Variants in IGSF9B observed in about 807,000 individuals in gnomAD.
The protein encoded by IGSF9B is protein turtle homolog B.
IGSF9B carries 48 observed loss-of-function variants against 143.7 expected under a neutral mutation model. The ratio of observed to expected loss-of-function variants is 0.33; its 90% CI spans 0.26 to 0.42. The LOEUF (loss-of-function observed/expected upper bound fraction) is 0.42, where lower values mean the gene tolerates loss of function less well. Among genes scored for constraint, IGSF9B ranks in the 20% least tolerant of loss-of-function variants. IGSF9B has a pLI of 1.00. For synonymous variants in IGSF9B, 903 were observed against 833.1 expected (o/e 1.08, Z -1.44); for missense variants, 1,706 against 1,980.0 (o/e 0.86, Z 2.63).
chr11:133,903,103 T>C lies in IGSF9B; in HGVS notation c.*5966A>G, dbSNP rs1026795173. Among the ~76,000 whole-genome samples, 1 of 144,328 alleles carries C rather than the reference T, an allele frequency of 6.9e-6. No homozygotes were observed. The highest frequency in any genetic ancestry group is 2.6e-5 in the African/African-American group (1 of 38,300). The allele number at this position is 144,328 out of a possible 152,430, so 94.7% of individuals were successfully genotyped here. A position where few individuals can be genotyped will look rare whatever the true frequency, so the allele number is the denominator to read the frequency against. The stretch of plus-strand genomic sequence containing the variant: ...CACGATCCCTGGAGCCATACAGAAG[T>C]GGGGAAAGGAAAAGGGAAGGGAAGC... On this transcript the variant is annotated 3_prime_UTR_variant, in exon 20 of 20. Transcript: ENST00000533871.
At position 133,902,820 on chromosome 11, in the gene IGSF9B, TGAG is replaced by T. The variant is rs1488677076; in HGVS notation, c.*6246_*6248del. Among the ~76,000 whole-genome samples the T allele has an allele frequency of 6.6e-6, 1 of 152,138 alleles. No individual in the cohort carries two copies. Among genetic ancestry groups the T allele is most frequent in the Non-Finnish European group, 1.5e-5 (1 of 68,030 alleles). On this transcript the variant is annotated 3_prime_UTR_variant, in exon 20 of 20. Coordinates refer to ENST00000533871, the MANE Select transcript of IGSF9B (RefSeq NM_001277285.4). ...CCTTTCAAGAACTGCAAGATGACCG[TGAG>T]GAGGCTCATCCCTCCACCAGAAATA...
intron 19 of IGSF9B, 141 bp downstream of exon 19, chr11:133,911,745 G>T (rs954477255): frequency 7.4e-5 from 44 of 597,048 alleles, no homozygotes; most frequent in Non-Finnish European, 1.1e-4. Context: ...GACAAGAGAA[G>T]CTTGTGGATT....
rs1335796062 is a variant in IGSF9B at position 133,898,834 on chromosome 11, AGT to A, written c.*10233_*10234del. On this transcript the variant is annotated 3_prime_UTR_variant, in exon 20 of 20. Coordinates refer to ENST00000533871, the MANE Select transcript of IGSF9B (RefSeq NM_001277285.4). Reference sequence around the variant, plus strand: ...CACAGGCAACCCCCTGTGGACAGGAAGTGTGTGTGCAGGCTTGCCTCTTCCCC... The same window carrying A: ...CACAGGCAACCCCCTGTGGACAGGAAGTGTGTGCAGGCTTGCCTCTTCCCC... 6.6e-6 allele frequency: 1 copy of A among 152,294 alleles called. No individual in the cohort carries two copies. The highest frequency in any genetic ancestry group is 6.5e-5 in the Admixed American group (1 of 15,288). The allele number at this position is 152,294 out of a possible 1,614,324, so 9.4% of individuals were successfully genotyped here. A position where few individuals can be genotyped will look rare whatever the true frequency, so the allele number is the denominator to read the frequency against.
intron 1 of IGSF9B, among the ~76,000 whole-genome samples, chr11:133,956,102 C>G (rs879677076): frequency 6.6e-6 from 1 of 152,134 alleles, no homozygotes; most frequent in Non-Finnish European, 1.5e-5. Flanking sequence ...TCTCACCGGG[C>G]GCCCCTGCTA....
chr11:133,956,134 CCAAGAT>C (rs2121357921), intron 1 of IGSF9B, among the ~76,000 whole-genome samples: 1 of 152,260 alleles, frequency 6.6e-6, no homozygotes, highest in Admixed American at 6.5e-5. Context: ...CCTCCAGCTG[CCAAGAT>C]GTGTGGGCAG....
rs2121353607 is a variant in IGSF9B at position 133,953,778 on chromosome 11, G to A, written c.64+2913C>T. ...CGGCCCAGGGTCCTCCCACAGAGTA[G>A]GAACTCCCCCGGGCTGGCTCAGCAG... On this transcript the variant is annotated intron_variant, in intron 1 of 19. Coordinates refer to ENST00000533871, the MANE Select transcript of IGSF9B (RefSeq NM_001277285.4). The surrounding 1 kb of genome is among the most constrained non-coding windows in gnomAD (Gnocchi z 4.2). 6.6e-6 allele frequency among the ~76,000 whole-genome samples: 1 copy of A among 152,260 alleles called. No homozygotes were observed. Among genetic ancestry groups the A allele is most frequent in the South Asian group, 2.1e-4 (1 of 4,820 alleles).
chr11:133,916,758 T>C (rs1168166009), intron 18 of IGSF9B, among the ~76,000 whole-genome samples: 1 of 152,098 alleles, frequency 6.6e-6, no homozygotes, highest in African/African-American at 2.4e-5. Flanking sequence ...TCTAGGAATT[T>C]CCAGGAGCTG....
rs760549167 is a variant in IGSF9B at position 133,900,709 on chromosome 11, A to T, written c.*8360T>A. Reference sequence around the variant, plus strand: ...TTGCAATGGCACTTTATTTCCAATTAAAAATAACTGAAAAAAACATAGATG... The same window carrying T: ...TTGCAATGGCACTTTATTTCCAATTTAAAATAACTGAAAAAAACATAGATG... On this transcript the variant is annotated 3_prime_UTR_variant, in exon 20 of 20. Transcript: ENST00000533871. 2.0e-5 allele frequency: 3 copies of T among 152,368 alleles called. No homozygotes were observed. The highest frequency in any genetic ancestry group is 4.4e-5 in the Non-Finnish European group (3 of 68,046). The allele number at this position is 152,368 out of a possible 1,614,324, so 9.4% of individuals were successfully genotyped here.
At position 133,899,140 on chromosome 11, in the gene IGSF9B, C is replaced by T. The variant is rs1206224274; in HGVS notation, c.*9929G>A. The T allele has an allele frequency of 1.3e-5, 2 of 152,268 alleles. No homozygotes were observed. Among genetic ancestry groups the T allele is most frequent in the East Asian group, 1.9e-4 (1 of 5,194 alleles). 9.4% of individuals were successfully genotyped at this position (152,268 alleles called of 1,614,324 possible). A position where few individuals can be genotyped will look rare whatever the true frequency, so the allele number is the denominator to read the frequency against. On this transcript the variant is annotated 3_prime_UTR_variant, in exon 20 of 20. Transcript: ENST00000533871. ...CCACCTTCTACCAAAGGGAAAAGCACCAAAATTCAATGTCCATTCTGCTGT... is the reference window on the plus strand; with the variant it reads ...CCACCTTCTACCAAAGGGAAAAGCATCAAAATTCAATGTCCATTCTGCTGT...
chr11:133,907,598 A>G lies in IGSF9B; in HGVS notation c.*1471T>C, dbSNP rs1032811129. ...TTCTGCCCTGCCCTTGGGCAGCACC[A>G]TATCTTACCGGCAGAGAGACATCTT... On this transcript the variant is annotated 3_prime_UTR_variant, in exon 20 of 20. Transcript: ENST00000533871. Among the ~76,000 whole-genome samples the G allele has an allele frequency of 4.6e-5, 7 of 152,192 alleles. No individual in the cohort carries two copies. Among genetic ancestry groups the G allele is most frequent in the African/African-American group, 1.4e-4 (6 of 41,458 alleles).
intron 3 of IGSF9B, 158 bp from the exon 4 acceptor site, chr11:133,938,119 A>C (rs866116697): frequency 9.2e-6 from 7 of 760,178 alleles, no homozygotes; most frequent in Middle Eastern, 7.7e-4. Context: ...GCCTACCAAC[A>C]TCACTGGCAG....
In IGSF9B at chr11:133,943,424, C is replaced by G. The variant is rs370751859; in HGVS notation, c.409+796G>C. On this transcript the variant is annotated intron_variant, in intron 3 of 19. Transcript: ENST00000533871. ...TCCAGAGTACCTCCTTCCAGGGACA[C>G]AAAGAGGAGACTCTCCCTCCAGGGA... 3.9e-5 allele frequency among the ~76,000 whole-genome samples: 6 copies of G among 152,280 alleles called. No homozygotes were observed. In the East Asian group the frequency reaches 7.7e-4, roughly 20 times the overall value.
At position 133,940,765 on chromosome 11, in the gene IGSF9B, G is replaced by A. The variant is rs113691809; in HGVS notation, c.410-2804C>T. Reference sequence around the variant, plus strand: ...ACATACACCTTGCACGTCCTCACACGCGTCATCACATGCAAAAACATACAC... The same window carrying A: ...ACATACACCTTGCACGTCCTCACACACGTCATCACATGCAAAAACATACAC... On this transcript the variant is annotated intron_variant, in intron 3 of 19. Coordinates refer to ENST00000533871, the MANE Select transcript of IGSF9B (RefSeq NM_001277285.4). Among the ~76,000 whole-genome samples, 947 of 152,108 alleles carry A rather than the reference G, an allele frequency of 6.2e-3. 13 individuals carry two copies. Among genetic ancestry groups the A allele is most frequent in the African/African-American group, 0.022 (925 of 41,490 alleles).
Position 133,908,896 on chromosome 11 carries a change from G to C in IGSF9B, c.*173C>G, listed in dbSNP as rs1217606007. 2 of 617,484 alleles carry C rather than the reference G, an allele frequency of 3.2e-6. No individual in the cohort carries two copies. The highest frequency in any genetic ancestry group is 3.7e-5 in the African/African-American group (2 of 54,272). 38.3% of individuals were successfully genotyped at this position (617,484 alleles called of 1,614,324 possible). A position where few individuals can be genotyped will look rare whatever the true frequency, so the allele number is the denominator to read the frequency against. On this transcript the variant is annotated 3_prime_UTR_variant, in exon 20 of 20. Transcript: ENST00000533871. ...GGAAGGTGTGCCCACCCTCCGTCCT[G>C]AAGACAGGCGGCCAGGATCTGGAGG...
rs767164731 is a variant in IGSF9B, at chr11:133,946,079, C to T, written c.244G>A (p.Val82Met). ...ACCTTACCTGCATACTCAGGGTCCA[C>T]GTGCGGCGGGTAGTAGCCAAACTTG... ...FIKFGYYPPH[V>M]DPEYAGRASL... The change falls in exon 2 of 20, where the codon GTG becomes ATG. Residue 82 changes from valine to methionine, a missense_variant. Physicochemically the swap from Val to Met is conservative, Grantham distance 21. This residue lies in a region of IGSF9B where 171 missense variants were observed against 213.9 expected (regional missense o/e 0.80). Coordinates refer to ENST00000533871, the MANE Select transcript of IGSF9B (RefSeq NM_001277285.4). 7.6e-6 allele frequency: 12 copies of T among 1,588,198 alleles called. No individual in the cohort carries two copies. The highest frequency in any genetic ancestry group is 3.4e-5 in the South Asian group (3 of 87,006).
chr11:133,910,043 T>C (rs1939276182), intron 19 of IGSF9B, among the ~76,000 whole-genome samples: 1 of 152,120 alleles, frequency 6.6e-6, no homozygotes, highest in Admixed American at 6.5e-5. Flanking sequence ...TAAGGGTAAA[T>C]GTGGTGTGTC....
At chr11:133,935,208 G>A (rs1400702592) in intron 7 of IGSF9B, among the ~76,000 whole-genome samples, 1 of 152,218 alleles carries the variant, frequency 6.6e-6, no homozygotes, top group Non-Finnish European at 1.5e-5. Flanking sequence ...GTAAGGCTGG[G>A]AGAAACCTAA....
Position 133,931,409 on chromosome 11 carries a change from C to T in IGSF9B, c.1368+44G>A. The T allele has an allele frequency of 1.4e-6, 2 of 1,412,794 alleles. No individual in the cohort carries two copies. The highest frequency in any genetic ancestry group is 1.2e-5 in the South Asian group (1 of 84,690). 87.5% of individuals were successfully genotyped at this position (1,412,794 alleles called of 1,614,324 possible). A position where few individuals can be genotyped will look rare whatever the true frequency, so the allele number is the denominator to read the frequency against. On this transcript the variant is annotated intron_variant, in intron 10 of 19. Coordinates refer to ENST00000533871, the MANE Select transcript of IGSF9B (RefSeq NM_001277285.4). This position sits in a 1 kb window ranked among gnomAD's most constrained non-coding sequence, Gnocchi z 7.7. ...CCCCGCAGCCCCAGGGCTCCCTGGG[C>T]CCTCACACCTCCCTGCAGACCCAGG...
intron 1 of IGSF9B, among the ~76,000 whole-genome samples, chr11:133,955,443 C>T (rs913826895): frequency 6.6e-6 from 1 of 152,236 alleles, no homozygotes; most frequent in Admixed American, 6.5e-5. Context: ...TCCTGAAGCA[C>T]GCCCCCCTGC....
Sources: gnomAD v4.1 joint callset for allele counts (sites outside exome capture counted in the v4.1 genomes callset) on GRCh38, gnomAD v4.1.1 for gene constraint, gnomAD v4.1.1 regional missense constraint, Gnocchi (gnomAD v3.1) non-coding constraint, MANE v1.5 for transcripts, NCBI Gene and HGNC (gene_info 2026-07-23, HGNC 2026-07-21) for gene names.